CHLSN: variants seen among roughly 807,000 people sequenced by gnomAD.
CHLSN encodes cholesin.
chr7:1,078,097 T>C, the CHLSN span: 1 of 152,188 alleles, frequency 6.6e-6, no homozygotes, highest in African/African-American at 2.4e-5. Flanking sequence ...ATGACTGAGA[T>C]TCACGGTGGC....
At chr7:1,130,324 C>T in the CHLSN span, among the ~76,000 whole-genome samples, 1 of 152,176 alleles carries the variant, frequency 6.6e-6, no homozygotes, top group Non-Finnish European at 1.5e-5. Context: ...GGATAGCAGG[C>T]CCTGGGCCCC....
chr7:1,015,349 G>A, the CHLSN span, among the ~76,000 whole-genome samples: 2 of 152,210 alleles, frequency 1.3e-5, no homozygotes, highest in South Asian at 2.1e-4. Context: ...GCAGGTCTTT[G>A]TCAACCTGAG....
the CHLSN span, among the ~76,000 whole-genome samples, chr7:1,022,727 A>G: frequency 5.9e-5 from 9 of 152,112 alleles, no homozygotes; most frequent in Non-Finnish European, 1.0e-4. Context: ...CAAGCTCTCA[A>G]ATTCTTTAAA....
chr7:1,112,705 T>TAA, the CHLSN span, among the ~76,000 whole-genome samples: 50 of 99,120 alleles, frequency 5.0e-4, 1 homozygote, highest in East Asian at 8.6e-3. Context: ...TCCAAATGGC[T>TAA]AAAAAAAAAA....
chr7:1,122,607 G>C, the CHLSN span, among the ~76,000 whole-genome samples: 1 of 152,222 alleles, frequency 6.6e-6, no homozygotes. Flanking sequence ...CCCAAGGGAT[G>C]CTGGGCAGCA....
chr7:1,105,400 A>AG, the CHLSN span, among the ~76,000 whole-genome samples: 3 of 152,216 alleles, frequency 2.0e-5, no homozygotes, highest in Non-Finnish European at 4.4e-5. Flanking sequence ...CTCTAAGAGC[A>AG]GGTGCTTGAG....
the CHLSN span, among the ~76,000 whole-genome samples, chr7:1,123,093 G>A: frequency 1.3e-5 from 2 of 152,204 alleles, no homozygotes; most frequent in Admixed American, 1.3e-4. The surrounding 1 kb of genome is among the most constrained non-coding windows in gnomAD (Gnocchi z 4.4). Flanking sequence ...CTGAGGCCCT[G>A]GTGCCCAGGA....
At chr7:1,066,147 T>C in the CHLSN span, among the ~76,000 whole-genome samples, 12 of 152,144 alleles carry the variant, frequency 7.9e-5, no homozygotes, top group Non-Finnish European at 1.5e-4. Flanking sequence ...AATGCGCCGG[T>C]TCTGTTCCTG....
the CHLSN span, among the ~76,000 whole-genome samples, chr7:1,111,718 C>G: frequency 6.6e-6 from 1 of 152,156 alleles, no homozygotes; most frequent in African/African-American, 2.4e-5. Context: ...GGGAGGATCA[C>G]TTGAGCCAGG....
At chr7:1,040,183 T>TA in the CHLSN span, among the ~76,000 whole-genome samples, 238 of 74,526 alleles carry the variant, frequency 3.2e-3, 8 homozygotes, top group East Asian at 7.7e-3. Flanking sequence ...AAAATAAATT[T>TA]AAAAAAAAAA....
the CHLSN span, among the ~76,000 whole-genome samples, chr7:1,036,688 C>CAGGCTGGGCATGCT: frequency 1.3e-5 from 2 of 149,226 alleles, no homozygotes; most frequent in African/African-American, 2.4e-5. Flanking sequence ...AAAAAAAATC[C>CAGGCTGGGCATGCT]GATAGGGGAA....
chr7:1,049,532 C>G, the CHLSN span, among the ~76,000 whole-genome samples: 1 of 152,206 alleles, frequency 6.6e-6, no homozygotes, highest in African/African-American at 2.4e-5. Flanking sequence ...CGCTCCAGAG[C>G]CCAGGCCCTT....
the CHLSN span, among the ~76,000 whole-genome samples, chr7:1,064,698 C>T: frequency 1.3e-5 from 2 of 152,196 alleles, no homozygotes; most frequent in Admixed American, 6.5e-5. Flanking sequence ...CTCCCTCGGC[C>T]GAGTCACCTG....
the CHLSN span, among the ~76,000 whole-genome samples, chr7:1,136,391 T>TATATAATATATATATAAATATATAC: frequency 1.4e-4 from 4 of 28,762 alleles, no homozygotes; most frequent in Non-Finnish European, 2.4e-4. Flanking sequence ...TATATAAACA[T>TATATAATATATATATAAATATATAC]ATATATAAAT....
At chr7:1,009,864 G>C in the CHLSN span, 10 of 1,170,322 alleles carry the variant, frequency 8.5e-6, no homozygotes, top group African/African-American at 1.5e-5. Flanking sequence ...CTTCCACACA[G>C]TGTGTGCGAG....
At chr7:1,030,906 C>T in the CHLSN span, among the ~76,000 whole-genome samples, 5 of 152,204 alleles carry the variant, frequency 3.3e-5, no homozygotes, top group South Asian at 6.2e-4. Flanking sequence ...CTTACTGCAC[C>T]GGCACATCCA....
the CHLSN span, among the ~76,000 whole-genome samples, chr7:986,158 G>A: frequency 2.0e-5 from 3 of 152,262 alleles, no homozygotes; most frequent in Non-Finnish European, 2.9e-5. Context: ...GATCGCGGAC[G>A]CCCCAGGAAG....
chr7:1,008,776 GCA>G, the CHLSN span, among the ~76,000 whole-genome samples: 6 of 151,668 alleles, frequency 4.0e-5, no homozygotes, highest in South Asian at 2.1e-4. Context: ...AAACACACAC[GCA>G]CACACGCACA....
chr7:1,036,481 G>A, the CHLSN span, among the ~76,000 whole-genome samples: 2 of 151,682 alleles, frequency 1.3e-5, no homozygotes, highest in Non-Finnish European at 2.9e-5. Context: ...TCGGGTGCTC[G>A]TGGTGTGGCC....
Sources: allele counts gnomAD v4.1 joint callset (sites outside exome capture counted in the v4.1 genomes callset), GRCh38; gene constraint gnomAD v4.1.1; non-coding constraint Gnocchi (gnomAD v3.1); transcripts MANE v1.5; gene names NCBI Gene and HGNC (gene_info 2026-07-23, HGNC 2026-07-21).